IGSF11: variants seen among roughly 807,000 people sequenced by gnomAD.
The protein encoded by IGSF11 is CXADR like 1.
Under a neutral mutation model 41.0 loss-of-function variants are expected in IGSF11, and 22 were observed. The ratio of observed to expected loss-of-function variants is 0.54; its 90% confidence interval spans 0.38 to 0.77. IGSF11 has a LOEUF of 0.77. IGSF11 is among the 30% of genes least tolerant of loss of function. The probability of loss-of-function intolerance (pLI) is 0.00; values close to 1 mark genes in which losing one functional copy is unlikely to be tolerated. For missense variants in IGSF11, 444 were observed against 530.8 expected (o/e 0.84, Z 1.61); for synonymous variants, 219 against 201.3 (o/e 1.09, Z -0.74).
At chr3:119,037,234 G>GA (rs772833273), upstream of IGSF11, among the ~76,000 whole-genome samples, 1 of 152,184 alleles carries the variant, frequency 6.6e-6, no homozygotes, top group Non-Finnish European at 1.5e-5. Context: ...ACTAAAGACA[G>GA]AGACAATATG....
In IGSF11 at chr3:119,144,948, A is replaced by T. The variant is rs1461164104; in HGVS notation, c.-14+865T>A. ...CTTTGAAGCTACAAGCCATAGCCCA[A>T]GACCTATTTTACTCTAAACACAGTA... On this transcript the variant is annotated intron_variant, in intron 1 of 7. Coordinates refer to the IGSF11 transcript ENST00000425327. Among the ~76,000 whole-genome samples the T allele has an allele frequency of 2.6e-5, 4 of 152,186 alleles. No individual in the cohort carries two copies. In the East Asian group the frequency reaches 7.7e-4, roughly 29 times the overall value.
intron 1 of IGSF11, among the ~76,000 whole-genome samples, chr3:118,953,166 T>A (rs189258191): frequency 6.6e-6 from 1 of 152,292 alleles, no homozygotes; most frequent in East Asian, 1.9e-4. Context: ...TATTCCTGAG[T>A]TACTTCACTC....
chr3:118,971,012 C>A (rs1192080943), intron 1 of IGSF11, among the ~76,000 whole-genome samples: 2 of 152,168 alleles, frequency 1.3e-5, no homozygotes, highest in Non-Finnish European at 2.9e-5. Flanking sequence ...CTTGACATGC[C>A]CTGCCAAAGC....
chr3:118,925,414 G>A (rs1340535046), intron 4 of IGSF11, among the ~76,000 whole-genome samples: 1 of 152,138 alleles, frequency 6.6e-6, no homozygotes, highest in Non-Finnish European at 1.5e-5. Context: ...TATTAGAGAT[G>A]ACGTAATATT....
At chr3:119,097,504 G>T (rs2076872996) in intron 1 of IGSF11, among the ~76,000 whole-genome samples, 1 of 152,000 alleles carries the variant, frequency 6.6e-6, no homozygotes, top group East Asian at 1.9e-4. Flanking sequence ...ACAGGTTGGG[G>T]GTGAGGTTCA....
chr3:118,921,565 A>C (rs74566939), intron 4 of IGSF11, among the ~76,000 whole-genome samples: 1,640 of 152,236 alleles, frequency 0.011, 31 homozygotes, highest in East Asian at 0.065. Flanking sequence ...ATGCTTATTC[A>C]TTCAGTCTTC....
In IGSF11 at chr3:119,062,541, G is replaced by C. The variant is rs550282531; in HGVS notation, c.49+42603C>G. 8.5e-5 allele frequency among the ~76,000 whole-genome samples: 13 copies of C among 152,244 alleles called. No homozygotes were observed. The East Asian group carries it at 2.1e-3, about 25-fold the overall frequency. ...ACAATCAGATCATGCAAAATACATA[G>C]TCATATTATTGCGAGGTTCTAAAAT... On this transcript the variant is annotated intron_variant, in intron 1 of 6. Coordinates refer to the IGSF11 transcript ENST00000354673.
chr3:118,958,238 A>G (rs1030462104), intron 1 of IGSF11, among the ~76,000 whole-genome samples: 5 of 152,232 alleles, frequency 3.3e-5, no homozygotes, highest in Admixed American at 6.5e-5. Flanking sequence ...TAGCCTTGCC[A>G]ATGATGAACA....
At chr3:119,095,672 C>T (rs566604965) in intron 1 of IGSF11, among the ~76,000 whole-genome samples, 13 of 152,262 alleles carry the variant, frequency 8.5e-5, no homozygotes, top group Admixed American at 2.0e-4. Context: ...TCCTCCAAGT[C>T]TCACAGAAAA....
intron 1 of IGSF11, among the ~76,000 whole-genome samples, chr3:118,972,785 A>G (rs1279453193): frequency 2.0e-5 from 3 of 152,228 alleles, no homozygotes; most frequent in Non-Finnish European, 4.4e-5. Flanking sequence ...AAAAGCAATT[A>G]AAGAGTTAAG....
At chr3:119,010,015 G>T (rs1937912300) in intron 1 of IGSF11, among the ~76,000 whole-genome samples, 1 of 152,160 alleles carries the variant, frequency 6.6e-6, no homozygotes, top group South Asian at 2.1e-4. Flanking sequence ...TAATCAGAAT[G>T]AGTAGAAGCA....
intron 1 of IGSF11, among the ~76,000 whole-genome samples, chr3:119,060,890 T>A (rs906368807): frequency 6.6e-6 from 1 of 152,170 alleles, no homozygotes; most frequent in Non-Finnish European, 1.5e-5. Context: ...TACAGACATA[T>A]AAAATTAAAT....
upstream of IGSF11, among the ~76,000 whole-genome samples, chr3:119,038,069 T>G (rs2107745642): frequency 6.6e-6 from 1 of 152,288 alleles, no homozygotes; most frequent in African/African-American, 2.4e-5. Context: ...GCATATAGTC[T>G]AGAGCACAGT....
chr3:119,023,709 A>G (rs1246729213), intron 1 of IGSF11, among the ~76,000 whole-genome samples: 1 of 152,192 alleles, frequency 6.6e-6, no homozygotes, highest in Non-Finnish European at 1.5e-5. Flanking sequence ...TGGGATAAAT[A>G]CAATGAAAAG....
At chr3:118,984,786 A>T (rs1266628602) in intron 1 of IGSF11, among the ~76,000 whole-genome samples, 1 of 152,192 alleles carries the variant, frequency 6.6e-6, no homozygotes, top group Non-Finnish European at 1.5e-5. Flanking sequence ...CTCCACGCTG[A>T]GACAAGAGGA....
intron 1 of IGSF11, among the ~76,000 whole-genome samples, chr3:119,129,160 G>A (rs2077443360): frequency 6.6e-6 from 1 of 152,102 alleles, no homozygotes; most frequent in Non-Finnish European, 1.5e-5. Context: ...GGCCTGTTGT[G>A]GGGTGGGGGT....
chr3:118,991,703 G>A (rs540274805), intron 1 of IGSF11, among the ~76,000 whole-genome samples: 6 of 152,212 alleles, frequency 3.9e-5, no homozygotes, highest in African/African-American at 9.6e-5. Context: ...TAAGAGAACA[G>A]AACATAAAAT....
At chr3:119,129,449 TA>T (rs893950536) in intron 1 of IGSF11, among the ~76,000 whole-genome samples, 2 of 152,020 alleles carry the variant, frequency 1.3e-5, no homozygotes, top group Non-Finnish European at 2.9e-5. Flanking sequence ...AAATCATTAC[TA>T]AAATATGAGC....
At chr3:119,111,605 T>C (rs575607375) in intron 1 of IGSF11, among the ~76,000 whole-genome samples, 1 of 152,388 alleles carries the variant, frequency 6.6e-6, no homozygotes, top group East Asian at 1.9e-4. Flanking sequence ...AAAGTCATTC[T>C]CCGTCCAGCT....
Sources: allele counts gnomAD v4.1 joint callset (sites outside exome capture counted in the v4.1 genomes callset), GRCh38; gene constraint gnomAD v4.1.1; transcripts MANE v1.5; gene names NCBI Gene and HGNC (gene_info 2026-07-23, HGNC 2026-07-21).